Variants in RAPGEF6 observed in about 807,000 individuals in gnomAD.
RAPGEF6 encodes Rap guanine nucleotide exchange factor 6, also known as PDZ domain containing guanine nucleotide exchange factor (GEF) 2.
In RAPGEF6, 56 loss-of-function variants were observed where a neutral mutation model predicts 171.4. The observed-to-expected ratio is 0.33, with a 90% CI of 0.26 to 0.41. RAPGEF6 has a LOEUF of 0.41. Ranked by LOEUF, RAPGEF6 falls within the 10% of genes least tolerant of loss-of-function variation. RAPGEF6 has a pLI of 1.00. For missense variants in RAPGEF6, 1,674 were observed against 1,921.4 expected (o/e 0.87, Z 2.41); for synonymous variants, 692 against 650.1 (o/e 1.06, Z -0.98).
intron 17 of RAPGEF6, among the ~76,000 whole-genome samples, chr5:131,464,867 T>A (rs893278505): frequency 1.1e-3 from 174 of 152,286 alleles, no homozygotes; most frequent in African/African-American, 4.1e-3. Context: ...GTTATAATAT[T>A]TTATAATCCT....
intron 19 of RAPGEF6, among the ~76,000 whole-genome samples, chr5:131,459,745 T>A (rs1205712555): frequency 6.6e-6 from 1 of 152,108 alleles, no homozygotes; most frequent in Non-Finnish European, 1.5e-5. Flanking sequence ...TTAGCCAAGG[T>A]GGTTTTAAAT....
rs928281840 is a variant in RAPGEF6 at position 131,425,128 on chromosome 5, T to C, written c.*2138A>G. On this transcript the variant is annotated 3_prime_UTR_variant, in exon 28 of 28. Coordinates refer to ENST00000509018, the MANE Select transcript of RAPGEF6 (RefSeq NM_016340.6). The stretch of plus-strand genomic sequence containing the variant: ...CTGAACACTCACAGTTAAAGCTAGA[T>C]AGATAAAACAAAGGCAGCTGTAAGG... 1 of 152,330 alleles carries C rather than the reference T, an allele frequency of 6.6e-6. No homozygotes were observed. Among genetic ancestry groups the C allele is most frequent in the Non-Finnish European group, 1.5e-5 (1 of 68,042 alleles). 9.4% of individuals were successfully genotyped at this position (152,330 alleles called of 1,614,324 possible).
chr5:131,457,368 G>A (rs544696748), intron 19 of RAPGEF6, among the ~76,000 whole-genome samples: 1 of 152,314 alleles, frequency 6.6e-6, no homozygotes, highest in Admixed American at 6.5e-5. Flanking sequence ...ACCATGCCAA[G>A]CCAACAATCC....
chr5:131,433,979 T>G (rs956161405), intron 24 of RAPGEF6, among the ~76,000 whole-genome samples: 1 of 152,184 alleles, frequency 6.6e-6, no homozygotes, highest in Non-Finnish European at 1.5e-5. Flanking sequence ...TTTAATAAAA[T>G]AAGAAGATTA....
intron 6 of RAPGEF6, among the ~76,000 whole-genome samples, chr5:131,522,875 A>G (rs1414372977): frequency 6.6e-6 from 1 of 152,198 alleles, no homozygotes; most frequent in East Asian, 1.9e-4. Flanking sequence ...ATGTCACCCA[A>G]AAGTAAACTG....
At chr5:131,543,903 A>G (rs970893598) in intron 6 of RAPGEF6, among the ~76,000 whole-genome samples, 3 of 152,230 alleles carry the variant, frequency 2.0e-5, no homozygotes, top group African/African-American at 7.2e-5. Context: ...AAATATTTGA[A>G]TATTTTACAA....
intron 5 of RAPGEF6, among the ~76,000 whole-genome samples, chr5:131,551,342 T>C (rs564630532): frequency 6.6e-6 from 1 of 151,900 alleles, no homozygotes. Flanking sequence ...CGAAACCCCA[T>C]CTCTACTAAA....
intron 20 of RAPGEF6, among the ~76,000 whole-genome samples, chr5:131,455,018 T>C (rs1753379932): frequency 6.6e-6 from 1 of 151,994 alleles, no homozygotes; most frequent in African/African-American, 2.4e-5. Context: ...TAAACAAAAA[T>C]TAAGAGATAT....
intron 6 of RAPGEF6, among the ~76,000 whole-genome samples, chr5:131,524,977 C>T (rs1038018996): frequency 2.0e-5 from 3 of 152,268 alleles, no homozygotes; most frequent in African/African-American, 4.8e-5. Flanking sequence ...ATCAAAACAT[C>T]ACACTGTACC....
At chr5:131,444,844 G>A (rs183234363) in intron 22 of RAPGEF6, among the ~76,000 whole-genome samples, 1 of 152,150 alleles carries the variant, frequency 6.6e-6, no homozygotes, top group East Asian at 1.9e-4. Context: ...CTCAAAGCAG[G>A]GCCAGAAAGC....
rs935189230 is a variant in RAPGEF6, at chr5:131,624,051, A to C, written c.69+10911T>G. ...AAATGAGCACTAGAGCTTTCAGTGA[A>C]GAATCAGAATGTACCAGGCCAGAGG... On this transcript the variant is annotated intron_variant, in intron 1 of 27. Transcript: ENST00000509018. 2.6e-5 allele frequency among the ~76,000 whole-genome samples: 4 copies of C among 152,346 alleles called. No individual in the cohort carries two copies. In the East Asian group the frequency reaches 7.7e-4, roughly 29 times the overall value.
In RAPGEF6 at chr5:131,433,530, G is replaced by T. The variant is rs770850083; in HGVS notation, c.3874C>A (p.Arg1292=). 6.8e-6 allele frequency: 11 copies of T among 1,613,638 alleles called. No homozygotes were observed. The highest frequency in any genetic ancestry group is 9.3e-6 in the Non-Finnish European group (11 of 1,179,610). Reference sequence around the variant, plus strand: ...ACTGCCAGGGCCTGAGAGGAACACCGTTCATCCTGTAGAGCTGCAGACATG... The same window carrying T: ...ACTGCCAGGGCCTGAGAGGAACACCTTTCATCCTGTAGAGCTGCAGACATG... ...DSMSAALQDE[R]CSSQALAVPE... The change falls in exon 25 of 28, where the codon CGG becomes AGG. Residue 1292 remains arginine, a synonymous_variant. Transcript: ENST00000509018.
intron 1 of RAPGEF6, among the ~76,000 whole-genome samples, chr5:131,632,075 CA>C (rs529399752): frequency 0.11 from 6,991 of 63,692 alleles, 320 homozygotes; most frequent in African/African-American, 0.28. Flanking sequence ...GACTCTGTCT[CA>C]AAAAAAAAAA....
chr5:131,574,941 TCTC>T (rs1408007849), intron 4 of RAPGEF6, among the ~76,000 whole-genome samples: 1 of 151,934 alleles, frequency 6.6e-6, no homozygotes, highest in East Asian at 1.9e-4. Context: ...GCTCACAAAT[TCTC>T]CTTACAATTC....
intron 6 of RAPGEF6, among the ~76,000 whole-genome samples, chr5:131,529,153 GAA>G (rs111967742): frequency 2.3e-5 from 3 of 132,516 alleles, no homozygotes; most frequent in African/African-American, 2.7e-5. Flanking sequence ...AGAGACCACG[GAA>G]AAAAAAAAAA....
intron 3 of RAPGEF6, 130 bp downstream of exon 3, chr5:131,603,141 A>G (rs1764352737): frequency 2.8e-6 from 2 of 705,820 alleles, no homozygotes; most frequent in Non-Finnish European, 4.9e-6. Context: ...TATGTTATAT[A>G]CTTCATGGTC....
intron 17 of RAPGEF6, among the ~76,000 whole-genome samples, chr5:131,471,832 C>G (rs993999369): frequency 4.6e-5 from 7 of 152,052 alleles, no homozygotes; most frequent in Admixed American, 2.0e-4. Context: ...ATGACAAATA[C>G]AACTTCAGCT....
At chr5:131,585,292 AC>A (rs1402431612) in intron 4 of RAPGEF6, among the ~76,000 whole-genome samples, 3 of 135,602 alleles carry the variant, frequency 2.2e-5, no homozygotes, top group African/African-American at 3.1e-5. Flanking sequence ...AAAAAACTAT[AC>A]ATACATACAT....
At chr5:131,439,252 A>T (rs1235966118) in intron 24 of RAPGEF6, among the ~76,000 whole-genome samples, 3 of 152,176 alleles carry the variant, frequency 2.0e-5, no homozygotes, top group Non-Finnish European at 4.4e-5. Context: ...TTACTTGTAA[A>T]CACTTCATAG....
Sources: gnomAD v4.1 joint callset for allele counts (sites outside exome capture counted in the v4.1 genomes callset) on GRCh38, gnomAD v4.1.1 for gene constraint, MANE v1.5 for transcripts, NCBI Gene and HGNC (gene_info 2026-07-23, HGNC 2026-07-21) for gene names.